The following ZNF708 variants were observed in gnomAD, a reference collection of about 807,000 sequenced individuals.
ZNF708 encodes ZNF15, ZNF15L1.
Under a neutral mutation model 47.0 loss-of-function variants are expected in ZNF708, and 44 were observed. That is an observed-to-expected ratio of 0.94 (90% CI 0.74 to 1.20). The LOEUF is 1.20. Among genes scored for constraint, ZNF708 ranks in the 50% most tolerant of loss-of-function variants. The pLI, the probability that ZNF708 is intolerant of heterozygous loss-of-function variation, is 0.00. For missense variants in ZNF708, 557 were observed against 656.0 expected (o/e 0.85, Z 1.65); for synonymous variants, 184 against 218.5 (o/e 0.84, Z 1.39).
At chr19:21,310,786 G>A (rs199711920) in intron 1 of ZNF708, among the ~76,000 whole-genome samples, 159 bp from the exon 2 acceptor site, 3 of 145,904 alleles carry the variant, frequency 2.1e-5, no homozygotes, top group South Asian at 2.2e-4. Flanking sequence ...AAATATTCTC[G>A]AATGTATTCT....
At position 21,293,475 on chromosome 19, in the gene ZNF708, A is replaced by G. The variant is rs1972440567; in HGVS notation, c.1491T>C (p.Ile497=). ...ATTTGTAGGGTTTCTCTCCAGTATG[A>G]ATTATCTTATGTGTAGTAAGATGAG... ...LSSHLTTHKI[I]HTGEKPYKCK... is the part of the protein sequence containing the mutation. The change falls in exon 4 of 4, where the codon ATT becomes ATC. Residue 497 remains isoleucine (I), a synonymous_variant. Coordinates refer to ENST00000356929, the MANE Select transcript of ZNF708 (RefSeq NM_021269.3). 3 of 1,613,698 alleles carry G rather than the reference A, an allele frequency of 1.9e-6. No individual in the cohort carries two copies. The highest frequency in any genetic ancestry group is 1.7e-4 in the Middle Eastern group (1 of 6,058).
chr19:21,311,166 T>C (rs1972891597), intron 1 of ZNF708, among the ~76,000 whole-genome samples: 1 of 152,158 alleles, frequency 6.6e-6, no homozygotes, highest in Non-Finnish European at 1.5e-5. Context: ...GCCTGTGTTT[T>C]TTTCAGTTTT....
At chr19:21,321,778 G>T (rs937871848) in intron 1 of ZNF708, among the ~76,000 whole-genome samples, 63 of 152,246 alleles carry the variant, frequency 4.1e-4, no homozygotes, top group African/African-American at 1.5e-3. Flanking sequence ...CCTATTTGGT[G>T]CTATGCTTAG....
chr19:21,315,944 C>CCTGTAATCCCAG (rs1200352006), intron 1 of ZNF708, among the ~76,000 whole-genome samples: 1 of 151,240 alleles, frequency 6.6e-6, no homozygotes, highest in Non-Finnish European at 1.5e-5. Flanking sequence ...GTGGTGCAGG[C>CCTGTAATCCCAG]CTGTAATCCC....
Position 21,329,394 on chromosome 19 carries a change from C to G in ZNF708, c.-182G>C. ...AACCCGGAAGCCGCCCTGTCCGGTC[C>G]AGCTGCGTGTCTGAGTGAACTGTCC... On this transcript the variant is annotated 5_prime_UTR_variant, in exon 1 of 4. Transcript: ENST00000356929. The G allele has an allele frequency of 1.2e-6, 1 of 856,866 alleles. No homozygotes were observed. Among genetic ancestry groups the G allele is most frequent in the Non-Finnish European group, 1.8e-6 (1 of 549,878 alleles). The allele number at this position is 856,866 out of a possible 1,614,324, so 53.1% of individuals were successfully genotyped here. A position where few individuals can be genotyped will look rare whatever the true frequency, so the allele number is the denominator to read the frequency against.
In ZNF708 at chr19:21,291,890, T is replaced by C. The variant is rs1405357022; in HGVS notation, c.*1384A>G. 3 of 152,152 alleles carry C rather than the reference T, an allele frequency of 2.0e-5. No homozygotes were observed. The highest frequency in any genetic ancestry group is 4.4e-5 in the Non-Finnish European group (3 of 67,992). The allele number at this position is 152,152 out of a possible 1,614,324, so 9.4% of individuals were successfully genotyped here. On this transcript the variant is annotated 3_prime_UTR_variant, in exon 4 of 4. Coordinates refer to ENST00000356929, the MANE Select transcript of ZNF708 (RefSeq NM_021269.3). Reference sequence around the variant, plus strand: ...AAGGAAAACAAACAAACAAAAAAAGTATACTTTGAATGTAATTACAAACTT... The same window carrying C: ...AAGGAAAACAAACAAACAAAAAAAGCATACTTTGAATGTAATTACAAACTT...
At position 21,293,864 on chromosome 19, in the gene ZNF708, C is replaced by T. The variant is rs777136793; in HGVS notation, c.1102G>A (p.Glu368Lys). ...HTEEKPYKCE[E>K]CGKAFNRSSH... is the part of the protein sequence containing the mutation. ...GACCGGTTAAAAGCTTTGCCACATTCTTCACATTTGTAGGGTTTCTCTTCA... is the reference window on the plus strand; with the variant it reads ...GACCGGTTAAAAGCTTTGCCACATTTTTCACATTTGTAGGGTTTCTCTTCA... The change falls in exon 4 of 4, where the codon GAA becomes AAA. Residue 368 changes from glutamate to lysine, a missense_variant. By Grantham distance (56) the Glu-to-Lys change is moderately conservative. Transcript: ENST00000356929. 1.2e-6 allele frequency: 2 copies of T among 1,613,302 alleles called. No homozygotes were observed. Among genetic ancestry groups the T allele is most frequent in the Non-Finnish European group, 1.7e-6 (2 of 1,179,794 alleles).
intron 1 of ZNF708, among the ~76,000 whole-genome samples, chr19:21,315,110 G>A (rs886645940): frequency 1.3e-5 from 2 of 152,132 alleles, no homozygotes; most frequent in African/African-American, 4.8e-5. Context: ...ATACTTTGTG[G>A]TCTTGATCTC....
At chr19:21,326,858 C>T (rs1353045540) in intron 1 of ZNF708, among the ~76,000 whole-genome samples, 1 of 152,014 alleles carries the variant, frequency 6.6e-6, no homozygotes, top group African/African-American at 2.4e-5. Flanking sequence ...TGCTTGAACC[C>T]GGGAGGCAGA....
At chr19:21,319,614 C>A (rs772347516) in intron 1 of ZNF708, among the ~76,000 whole-genome samples, 1 of 151,978 alleles carries the variant, frequency 6.6e-6, no homozygotes, top group Non-Finnish European at 1.5e-5. Context: ...CCACGCCCAG[C>A]TAATTTTGTA....
chr19:21,301,704 G>A (rs1972663525), intron 3 of ZNF708, among the ~76,000 whole-genome samples: 1 of 152,162 alleles, frequency 6.6e-6, no homozygotes. Context: ...AGCTGAGGCA[G>A]GAGAATCACT....
At chr19:21,295,297 T>G (rs1972507846) in intron 3 of ZNF708, among the ~76,000 whole-genome samples, 1 of 152,220 alleles carries the variant, frequency 6.6e-6, no homozygotes, top group South Asian at 2.1e-4. Flanking sequence ...AAGTGATTAC[T>G]GACTATTTAG....
In ZNF708 at chr19:21,291,428, TCTC is replaced by T. The variant is rs1323944602; in HGVS notation, c.*1843_*1845del. ...AATGCCCACCTAAAAAAAAAGAAAC[TCTC>T]CTATCTTTGATGCCGTGACAACTGA... On this transcript the variant is annotated 3_prime_UTR_variant, in exon 4 of 4. Transcript: ENST00000356929. The T allele has an allele frequency of 1.3e-5, 2 of 151,872 alleles. No individual in the cohort carries two copies. Among genetic ancestry groups the T allele is most frequent in the African/African-American group, 4.8e-5 (2 of 41,322 alleles). 9.4% of individuals were successfully genotyped at this position (151,872 alleles called of 1,614,324 possible).
At chr19:21,326,041 A>G (rs951881897) in intron 1 of ZNF708, among the ~76,000 whole-genome samples, 4 of 152,252 alleles carry the variant, frequency 2.6e-5, no homozygotes, top group Non-Finnish European at 4.4e-5. Flanking sequence ...AAGAATGGCC[A>G]TGATCAAAAA....
At chr19:21,316,452 G>A (rs556115377) in intron 1 of ZNF708, among the ~76,000 whole-genome samples, 2 of 152,200 alleles carry the variant, frequency 1.3e-5, no homozygotes, top group South Asian at 4.1e-4. Flanking sequence ...CAAGCCTCAA[G>A]ATCTAGATTC....
chr19:21,293,243 A>T lies in ZNF708; in HGVS notation c.*31T>A, dbSNP rs746471956. ...TATGAATTATCTTGTGTTTTAATAA[A>T]AGTTGAAAATACACTAAAGGATTTG... On this transcript the variant is annotated 3_prime_UTR_variant, in exon 4 of 4. Transcript: ENST00000356929. 6.3e-7 allele frequency: 1 copy of T among 1,578,718 alleles called. No homozygotes were observed. Among genetic ancestry groups the T allele is most frequent in the Non-Finnish European group, 8.6e-7 (1 of 1,164,152 alleles).
chr19:21,297,266 ATATATTTTTTTTTTTTTTTTT>A (rs1843510425), intron 3 of ZNF708, among the ~76,000 whole-genome samples: 2 of 14,860 alleles, frequency 1.3e-4, no homozygotes, highest in African/African-American at 4.2e-4. Flanking sequence ...ATATATATAT[ATATATTTTTTTTTTTTTTTTT>A]TTTTTTTTTT....
chr19:21,309,104 C>A (rs1006660289), intron 3 of ZNF708, 142 bp downstream of exon 3: 1 of 679,980 alleles, frequency 1.5e-6, no homozygotes, highest in African/African-American at 1.9e-5. Context: ...ACAGAAGACG[C>A]CCCTATATTA....
rs769635953 is a variant in ZNF708 at position 21,294,382 on chromosome 19, G to A, written c.584C>T (p.Pro195Leu). Residue 195 changes from proline to leucine, a missense_variant, in exon 4 of 4, where the codon CCC (proline) becomes CTC (leucine). Transcript: ENST00000356929. ...TTTGCCACATTCTTCACATTTGTAG[G>A]GTTTTTCTCCAGTATGAATTATCTC... ...QHEIIHTGEK[P>L]YKCEECGKAF... 6 of 1,613,958 alleles carry A rather than the reference G, an allele frequency of 3.7e-6. No individual in the cohort carries two copies. The Admixed American group carries it at 8.3e-5, about 22-fold the overall frequency.
Sources: gnomAD v4.1 joint callset for allele counts (sites outside exome capture counted in the v4.1 genomes callset) on GRCh38, gnomAD v4.1.1 for gene constraint, MANE v1.5 for transcripts, NCBI Gene and HGNC (gene_info 2026-07-23, HGNC 2026-07-21) for gene names.